NLGN1: variants seen among roughly 807,000 people sequenced by gnomAD.
NLGN1 encodes the protein neuroligin 1.
A neutral mutation model predicts 65.5 loss-of-function variants in NLGN1; 12 were observed. That is an observed-to-expected ratio of 0.18 (90% CI 0.12 to 0.30). NLGN1 has a LOEUF of 0.30. NLGN1 is among the 10% of genes least tolerant of loss of function. NLGN1 has a pLI of 1.00. For missense variants in NLGN1, 750 were observed against 1,007.1 expected (o/e 0.74, Z 3.46); for synonymous variants, 350 against 359.5 (o/e 0.97, Z 0.30).
chr3:174,070,890 T>C (rs1471437545), intron 4 of NLGN1, among the ~76,000 whole-genome samples: 1 of 151,990 alleles, frequency 6.6e-6, no homozygotes, highest in Non-Finnish European at 1.5e-5. Context: ...CCCCCATCTC[T>C]ATGAAAAATT....
intron 2 of NLGN1, among the ~76,000 whole-genome samples, chr3:173,506,814 T>G (rs1015332689): frequency 6.6e-6 from 1 of 152,166 alleles, no homozygotes; most frequent in Non-Finnish European, 1.5e-5. Flanking sequence ...TACAGCATTA[T>G]GCTATATTTT....
At chr3:173,434,879 G>T (rs1304571358) in intron 1 of NLGN1, 3 of 152,608 alleles carry the variant, frequency 2.0e-5, no homozygotes, top group Non-Finnish European at 2.9e-5. Context: ...GAAATTTTTT[G>T]GTCATTTGGT....
chr3:173,523,221 C>T (rs760761475), intron 2 of NLGN1, among the ~76,000 whole-genome samples: 7 of 151,440 alleles, frequency 4.6e-5, no homozygotes, highest in Admixed American at 6.6e-5. Context: ...TTCACTGTGT[C>T]GAATATTTAT....
At chr3:173,788,923 C>A (rs1711957742) in intron 3 of NLGN1, among the ~76,000 whole-genome samples, 1 of 149,254 alleles carries the variant, frequency 6.7e-6, no homozygotes, top group Admixed American at 6.7e-5. Context: ...GTTGGCCGGG[C>A]ATGATGGCTC....
intron 4 of NLGN1, among the ~76,000 whole-genome samples, chr3:173,808,702 A>C (rs1037891862): frequency 6.6e-6 from 1 of 152,184 alleles, no homozygotes; most frequent in Non-Finnish European, 1.5e-5. Context: ...TTAACTTTTT[A>C]ATCTTAATTG....
At chr3:173,648,079 AC>A (rs1010898535) in intron 3 of NLGN1, among the ~76,000 whole-genome samples, 14 of 152,132 alleles carry the variant, frequency 9.2e-5, no homozygotes, top group African/African-American at 2.7e-4. Context: ...AGTGCAAAGA[AC>A]CTAGAATTTT....
At chr3:173,465,762 A>T (rs559410452) in intron 2 of NLGN1, among the ~76,000 whole-genome samples, 8 of 152,372 alleles carry the variant, frequency 5.3e-5, no homozygotes, top group Middle Eastern at 3.4e-3. Context: ...AATGGCAAAG[A>T]AAAATATGGT....
At chr3:173,910,773 T>C (rs1739431527) in intron 4 of NLGN1, 1 of 152,220 alleles carries the variant, frequency 6.6e-6, no homozygotes, top group Non-Finnish European at 1.5e-5. Context: ...GTGAGAGACT[T>C]GATTTTAAGA....
chr3:173,436,988 C>G (rs1718258139), intron 2 of NLGN1, among the ~76,000 whole-genome samples: 1 of 152,108 alleles, frequency 6.6e-6, no homozygotes, highest in South Asian at 2.1e-4. Context: ...TTTTCTTCAC[C>G]CTGTCCAGAT....
chr3:173,908,043 T>C (rs969393494), intron 4 of NLGN1, among the ~76,000 whole-genome samples: 2 of 152,220 alleles, frequency 1.3e-5, no homozygotes, highest in Non-Finnish European at 2.9e-5. Flanking sequence ...CTTTTACCTT[T>C]CAATCTACTG....
At chr3:173,927,763 A>ACATG (rs1444320654) in intron 4 of NLGN1, among the ~76,000 whole-genome samples, 2 of 76,390 alleles carry the variant, frequency 2.6e-5, no homozygotes. Context: ...ACAGAAACAC[A>ACATG]CATACATACA....
intron 4 of NLGN1, among the ~76,000 whole-genome samples, chr3:173,877,192 T>C (rs1025319559): frequency 6.6e-6 from 1 of 152,190 alleles, no homozygotes; most frequent in Non-Finnish European, 1.5e-5. Flanking sequence ...ATTTAATTAC[T>C]AGTACATAAT....
intron 4 of NLGN1, among the ~76,000 whole-genome samples, chr3:174,132,580 A>G (rs577074162): frequency 6.6e-6 from 1 of 152,274 alleles, no homozygotes; most frequent in South Asian, 2.1e-4. Context: ...TGGATTAATC[A>G]TCAATAAACA....
intron 4 of NLGN1, among the ~76,000 whole-genome samples, chr3:174,199,956 A>T (rs1389684679): frequency 6.6e-6 from 1 of 152,104 alleles, no homozygotes; most frequent in African/African-American, 2.4e-5. Context: ...TTTGTCTGTC[A>T]TTTTTTTCCT....
At chr3:174,082,970 G>A (rs1278548425) in intron 4 of NLGN1, among the ~76,000 whole-genome samples, 3 of 152,110 alleles carry the variant, frequency 2.0e-5, no homozygotes, top group Admixed American at 6.5e-5. Flanking sequence ...CAGGTGATCC[G>A]CCCATTTCGG....
chr3:173,570,820 C>T (rs7629715), intron 2 of NLGN1, among the ~76,000 whole-genome samples: 54,137 of 151,932 alleles, frequency 0.36, 10,652 homozygotes, highest in East Asian at 0.72. Context: ...TCTTGTAACT[C>T]GGCCTCCTGA....
chr3:173,891,246 G>A (rs545604398), intron 4 of NLGN1, among the ~76,000 whole-genome samples: 21 of 151,986 alleles, frequency 1.4e-4, no homozygotes, highest in Non-Finnish European at 1.3e-4. Context: ...CATGTGCAAC[G>A]GCCTAAATAA....
At chr3:173,492,479 A>G (rs1426523253) in intron 2 of NLGN1, among the ~76,000 whole-genome samples, 3 of 151,962 alleles carry the variant, frequency 2.0e-5, no homozygotes, top group Middle Eastern at 3.4e-3. Context: ...GATTGAAGAA[A>G]AAAATGAATG....
At chr3:173,660,865 C>T (rs890159753) in intron 3 of NLGN1, among the ~76,000 whole-genome samples, 2 of 151,912 alleles carry the variant, frequency 1.3e-5, no homozygotes, top group Admixed American at 1.3e-4. Context: ...TTGGATGCAC[C>T]ATGGTGTGCT....
Sources: gnomAD v4.1 joint callset for allele counts (sites outside exome capture counted in the v4.1 genomes callset) on GRCh38, gnomAD v4.1.1 for gene constraint, MANE v1.5 for transcripts, NCBI Gene and HGNC (gene_info 2026-07-23, HGNC 2026-07-21) for gene names.